CUEDC1: variants seen among roughly 807,000 people sequenced by gnomAD.
CUEDC1 encodes CUE domain-containing protein 1.
In CUEDC1, 30 loss-of-function variants were observed where a neutral mutation model predicts 43.7. The observed-to-expected ratio is 0.69, with a 90% confidence interval of 0.51 to 0.93. The LOEUF is 0.93. Ranked by LOEUF, CUEDC1 falls within the 40% of genes least tolerant of loss-of-function variation. The pLI is 0.00. For missense variants in CUEDC1, 486 were observed against 549.0 expected (o/e 0.89, Z 1.15); for synonymous variants, 223 against 223.6 (o/e 1.00, Z 0.02).
chr17:57,942,186 C>T (rs1567725736), intron 1 of CUEDC1, among the ~76,000 whole-genome samples: 2 of 152,080 alleles, frequency 1.3e-5, no homozygotes, highest in African/African-American at 2.4e-5. Flanking sequence ...GGCCCGGCAG[C>T]TGGGAGGTGG....
At chr17:57,917,385 A>T (rs1043459516) in intron 1 of CUEDC1, among the ~76,000 whole-genome samples, 2 of 152,232 alleles carry the variant, frequency 1.3e-5, no homozygotes, top group Non-Finnish European at 2.9e-5. Context: ...GCCACTTAGC[A>T]CATGTGGTCA....
At chr17:57,909,663 A>G (rs546394844) in intron 1 of CUEDC1, among the ~76,000 whole-genome samples, 1 of 152,346 alleles carries the variant, frequency 6.6e-6, no homozygotes, top group African/African-American at 2.4e-5. Context: ...TCTGATGTCC[A>G]CACTGGCAGG....
At chr17:57,896,537 G>C (rs887140365) in intron 1 of CUEDC1, among the ~76,000 whole-genome samples, 1 of 144,508 alleles carries the variant, frequency 6.9e-6, no homozygotes, top group East Asian at 2.2e-4. Context: ...TATGAAATCC[G>C]AAAGGATTCA....
chr17:57,932,352 G>A (rs933948499), intron 1 of CUEDC1, among the ~76,000 whole-genome samples: 4 of 149,610 alleles, frequency 2.7e-5, no homozygotes, highest in African/African-American at 7.5e-5. Flanking sequence ...TCAGGAGGCC[G>A]AGATGGGCAA....
chr17:57,944,619 T>G (rs2074945505), intron 1 of CUEDC1, among the ~76,000 whole-genome samples: 1 of 152,216 alleles, frequency 6.6e-6, no homozygotes. Flanking sequence ...AGTATAATAA[T>G]AGATTAGCCT....
At chr17:57,924,263 GC>G (rs2074724947) in intron 1 of CUEDC1, among the ~76,000 whole-genome samples, 1 of 152,108 alleles carries the variant, frequency 6.6e-6, no homozygotes, top group Non-Finnish European at 1.5e-5. Context: ...ACGCCACCAT[GC>G]CCAGCTAATT....
intron 1 of CUEDC1, among the ~76,000 whole-genome samples, chr17:57,915,727 C>G (rs1339763916): frequency 5.3e-5 from 8 of 152,130 alleles, no homozygotes; most frequent in Non-Finnish European, 1.0e-4. Context: ...TTGCTGCTAC[C>G]CCCGGCTGTT....
At chr17:57,874,630 G>T (rs142464014) in intron 3 of CUEDC1, among the ~76,000 whole-genome samples, 3 of 152,212 alleles carry the variant, frequency 2.0e-5, no homozygotes, top group African/African-American at 7.2e-5. Context: ...ATGGCAGCCT[G>T]CAGCGTGGCA....
chr17:57,868,173 C>T lies in CUEDC1; in HGVS notation c.1011G>A (p.Arg337=). Residue 337 remains arginine (R), a synonymous_variant, in exon 8 of 11, where the codon AGG becomes AGA. Transcript: ENST00000577830. ...SEKTKMRKSK[R]KHLLKHQSLG... ...ACGACTGATGCTTCAACAAGTGTTTCCTCTTTGACTTCCTCATTTTGGTCT... is the reference window on the plus strand; with the variant it reads ...ACGACTGATGCTTCAACAAGTGTTTTCTCTTTGACTTCCTCATTTTGGTCT... 1.2e-6 allele frequency: 2 copies of T among 1,614,166 alleles called. No individual in the cohort carries two copies. The highest frequency in any genetic ancestry group is 1.7e-6 in the Non-Finnish European group (2 of 1,179,978).
At chr17:57,894,762 G>A (rs2144989525) in intron 1 of CUEDC1, among the ~76,000 whole-genome samples, 1 of 152,292 alleles carries the variant, frequency 6.6e-6, no homozygotes, top group East Asian at 1.9e-4. Flanking sequence ...CAAGTCTGTA[G>A]CCAATGGGAG....
intron 1 of CUEDC1, among the ~76,000 whole-genome samples, chr17:57,890,976 C>G (rs4793921): frequency 0.38 from 58,244 of 152,122 alleles, 12,786 homozygotes; most frequent in East Asian, 0.97. Flanking sequence ...TACATGGGTA[C>G]CTGGCGTATA....
intron 1 of CUEDC1, among the ~76,000 whole-genome samples, chr17:57,912,833 C>A (rs963514190): frequency 6.6e-6 from 1 of 152,158 alleles, no homozygotes; most frequent in African/African-American, 2.4e-5. Flanking sequence ...CTCCGGGGAG[C>A]CTTTTTCTTT....
chr17:57,864,000 C>CAAAAAAAA (rs71365846), intron 10 of CUEDC1, among the ~76,000 whole-genome samples: 1 of 82,568 alleles, frequency 1.2e-5, no homozygotes, highest in Non-Finnish European at 2.2e-5. Context: ...GACTCCATCT[C>CAAAAAAAA]AAAAAAAAAA....
intron 1 of CUEDC1, among the ~76,000 whole-genome samples, chr17:57,917,522 CAAT>C (rs1433828134): frequency 1.3e-5 from 2 of 152,188 alleles, no homozygotes; most frequent in Non-Finnish European, 2.9e-5. Context: ...CCAAGGATAA[CAAT>C]AATACTTACT....
intron 1 of CUEDC1, among the ~76,000 whole-genome samples, chr17:57,904,680 A>G (rs2074509311): frequency 6.6e-6 from 1 of 152,128 alleles, no homozygotes; most frequent in East Asian, 1.9e-4. Flanking sequence ...GCCTTCAAGG[A>G]AATTGGGAGA....
rs1413844296 is a variant in CUEDC1, at chr17:57,893,789, C to A, written c.-315-7910G>T. On this transcript the variant is annotated intron_variant, in intron 1 of 10. Coordinates refer to ENST00000577830, the MANE Select transcript of CUEDC1 (RefSeq NM_001271875.2). ...TACTTCTCTGGACCACTCATCTCTT[C>A]TACATCTGTAAAACACGAGAATTTG... is the stretch of plus-strand genomic sequence containing the variant. Among the ~76,000 whole-genome samples, 4 of 152,236 alleles carry A rather than the reference C, an allele frequency of 2.6e-5. No individual in the cohort carries two copies. In the East Asian group the frequency reaches 7.7e-4, roughly 29 times the overall value.
At chr17:57,897,423 C>T (rs35367121) in intron 1 of CUEDC1, among the ~76,000 whole-genome samples, 27,470 of 151,990 alleles carry the variant, frequency 0.18, 3,546 homozygotes, top group African/African-American at 0.37. Flanking sequence ...GTAATCCCAG[C>T]ACTTTCGGAG....
chr17:57,885,109 G>A lies in CUEDC1; in HGVS notation c.336+120C>T, dbSNP rs190985067. The A allele has an allele frequency of 8.9e-4, 1,292 of 1,447,302 alleles. 9 individuals carry two copies. The African/African-American group carries it at 0.015, about 17-fold the overall frequency. The allele number at this position is 1,447,302 out of a possible 1,614,324, so 89.7% of individuals were successfully genotyped here. A position where few individuals can be genotyped will look rare whatever the true frequency, so the allele number is the denominator to read the frequency against. On this transcript the variant is annotated intron_variant, in intron 2 of 10. Coordinates refer to ENST00000577830, the MANE Select transcript of CUEDC1 (RefSeq NM_001271875.2). ...CTTGCTAATTAGAACCCAGATAGCG[G>A]AGTAACCCAGGTCCTCTTAGAGGTT...
chr17:57,864,046 T>G lies in CUEDC1; in HGVS notation c.*4-761A>C, dbSNP rs558286177. On this transcript the variant is annotated intron_variant, in intron 10 of 10. Transcript: ENST00000577830. ...AGAAAAGAAAAAGAAAAAAAAAGAT[T>G]CATTCAAAGAGCACAGGAAAAATGG... Among the ~76,000 whole-genome samples the G allele has an allele frequency of 1.2e-3, 185 of 150,836 alleles. 1 individual carries two copies. Among genetic ancestry groups the G allele is most frequent in the African/African-American group, 3.8e-3 (157 of 41,084 alleles).
Sources: allele counts gnomAD v4.1 joint callset (sites outside exome capture counted in the v4.1 genomes callset), GRCh38; gene constraint gnomAD v4.1.1; transcripts MANE v1.5; gene names NCBI Gene and HGNC (gene_info 2026-07-23, HGNC 2026-07-21).